Variants in EFHC1 observed in about 807,000 individuals in gnomAD.
EFHC1 encodes EF-hand domain-containing protein 1.
In EFHC1, 53 loss-of-function variants were observed where a neutral mutation model predicts 69.9. That is an observed-to-expected ratio of 0.76 (90% CI 0.61 to 0.95). The LOEUF (loss-of-function observed/expected upper bound fraction) is 0.95, where lower values mean the gene tolerates loss of function less well. Among genes scored for constraint, EFHC1 ranks in the 40% least tolerant of loss-of-function variants. The pLI is 0.00. For missense variants in EFHC1, 739 were observed against 798.7 expected (o/e 0.93, Z 0.90); for synonymous variants, 256 against 278.4 (o/e 0.92, Z 0.80).
intron 4 of EFHC1, chr6:52,453,631 A>G: frequency 8.0e-7 from 1 of 1,254,718 alleles, no homozygotes; most frequent in Non-Finnish European, 1.0e-6. Context: ...CCAAAAAAAA[A>G]AAAAAAAAGA....
At position 52,495,878 on chromosome 6, in the gene EFHC1, A is replaced by C. The variant is rs528787309; in HGVS notation, c.*3537A>C. On this transcript the variant is annotated 3_prime_UTR_variant, in exon 11 of 11. Transcript: ENST00000371068. Reference sequence around the variant, plus strand: ...ACAGCACCAACACAAGGTATAAAAGAGATTTCATGAAAGACCAAAGCCAGC... The same window carrying C: ...ACAGCACCAACACAAGGTATAAAAGCGATTTCATGAAAGACCAAAGCCAGC... 234 of 302,694 alleles carry C rather than the reference A, an allele frequency of 7.7e-4. 1 individual carries two copies. Among genetic ancestry groups the C allele is most frequent in the African/African-American group, 4.7e-3 (217 of 46,142 alleles). The allele number at this position is 302,694 out of a possible 1,614,324, so 18.8% of individuals were successfully genotyped here.
At chr6:52,444,029 CA>C (rs1562449011) in intron 3 of EFHC1, among the ~76,000 whole-genome samples, 1 of 152,020 alleles carries the variant, frequency 6.6e-6, no homozygotes, top group Non-Finnish European at 1.5e-5. Context: ...GATTCCTAGG[CA>C]TTTTATTCTC....
At chr6:52,483,169 G>T (rs909237908) in intron 9 of EFHC1, 2 of 271,414 alleles carry the variant, frequency 7.4e-6, no homozygotes, top group African/African-American at 4.4e-5. Context: ...AGATAAGTTT[G>T]TACTTTATGC....
In EFHC1 at chr6:52,420,479, C is replaced by T. The variant is rs1764164154; in HGVS notation, c.63+6C>T. On this transcript the variant is annotated splice_donor_region_variant and intron_variant, in intron 1 of 10. Coordinates refer to ENST00000371068, the MANE Select transcript of EFHC1 (RefSeq NM_018100.4). Reference sequence around the variant, plus strand: ...CGTCCTTTAAGGACTCTACGGTGAGCAGTTATCTGCCAGACTCCCACCTGT... The same window carrying T: ...CGTCCTTTAAGGACTCTACGGTGAGTAGTTATCTGCCAGACTCCCACCTGT... 6.2e-7 allele frequency: 1 copy of T among 1,614,074 alleles called. No homozygotes were observed. Among genetic ancestry groups the T allele is most frequent in the African/African-American group, 1.3e-5 (1 of 74,914 alleles).
intron 9 of EFHC1, chr6:52,481,504 A>AGCTCTCTCTCTC (rs369571634): frequency 7.0e-6 from 1 of 143,556 alleles, no homozygotes; most frequent in African/African-American, 2.6e-5. Flanking sequence ...AGACTGCATG[A>AGCTCTCTCTCTC]TCTCTCTCTC....
At chr6:52,455,504 A>T (rs1380598488) in intron 5 of EFHC1, among the ~76,000 whole-genome samples, 4 of 152,092 alleles carry the variant, frequency 2.6e-5, no homozygotes, top group Non-Finnish European at 5.9e-5. Flanking sequence ...AATACAAAAA[A>T]TTAGCTGGGC....
rs369568964 is a variant in EFHC1 at position 52,473,762 on chromosome 6, G to A, written c.1278+4289G>A. 5.7e-4 allele frequency among the ~76,000 whole-genome samples: 87 copies of A among 152,078 alleles called. 1 individual carries two copies. The highest frequency in any genetic ancestry group is 2.0e-3 in the African/African-American group (83 of 41,494). On this transcript the variant is annotated intron_variant, in intron 7 of 10. Coordinates refer to ENST00000371068, the MANE Select transcript of EFHC1 (RefSeq NM_018100.4). ...GAGCCACTTCACTTCAGCCTGGGTGGCAGAGAAAGGCTCTGTCTCCTTAAT... is the reference window on the plus strand; with the variant it reads ...GAGCCACTTCACTTCAGCCTGGGTGACAGAGAAAGGCTCTGTCTCCTTAAT...
intron 7 of EFHC1, among the ~76,000 whole-genome samples, chr6:52,475,361 A>G (rs1242814061): frequency 3.3e-5 from 5 of 152,210 alleles, no homozygotes; most frequent in Admixed American, 2.0e-4. Context: ...AATCCCATGG[A>G]GGTCAGACTA....
chr6:52,459,720 G>A (rs1293552705), intron 5 of EFHC1, among the ~76,000 whole-genome samples: 1 of 141,590 alleles, frequency 7.1e-6, no homozygotes, highest in Non-Finnish European at 1.5e-5. Flanking sequence ...TGTCGCCCAG[G>A]CTGGAGTGCA....
chr6:52,427,061 A>G (rs984446618), intron 2 of EFHC1, among the ~76,000 whole-genome samples: 1 of 152,168 alleles, frequency 6.6e-6, no homozygotes, highest in African/African-American at 2.4e-5. Context: ...CACAATCCAC[A>G]TCTAATCTAT....
At chr6:52,421,331 G>T (rs1764186944) in intron 1 of EFHC1, among the ~76,000 whole-genome samples, 1 of 152,074 alleles carries the variant, frequency 6.6e-6, no homozygotes, top group Non-Finnish European at 1.5e-5. Context: ...TTTGTAAAAA[G>T]ATTCCTGTTT....
At chr6:52,428,410 A>G (rs1764348815) in intron 2 of EFHC1, among the ~76,000 whole-genome samples, 1 of 151,812 alleles carries the variant, frequency 6.6e-6, no homozygotes. Context: ...CTCATACCTT[A>G]GCTACCACTT....
intron 4 of EFHC1, chr6:52,453,689 A>G (rs1764970804): frequency 8.0e-7 from 1 of 1,253,948 alleles, no homozygotes; most frequent in African/African-American, 1.6e-5. Context: ...GGACCAAAAA[A>G]AGACTGGTTA....
chr6:52,457,484 G>A (rs1765068693), intron 5 of EFHC1, among the ~76,000 whole-genome samples: 2 of 152,224 alleles, frequency 1.3e-5, no homozygotes, highest in Admixed American at 6.5e-5. Flanking sequence ...GTATTAGACA[G>A]TAATAGGAAA....
In EFHC1 at chr6:52,469,482, A is replaced by C. The variant is rs368775877; in HGVS notation, c.1278+9A>C. 1.2e-6 allele frequency: 2 copies of C among 1,613,392 alleles called. No individual in the cohort carries two copies. The highest frequency in any genetic ancestry group is 1.7e-6 in the Non-Finnish European group (2 of 1,179,824). On this transcript the variant is annotated intron_variant, in intron 7 of 10. Coordinates refer to ENST00000371068, the MANE Select transcript of EFHC1 (RefSeq NM_018100.4). ...GTTATTTGGCTGTACTGGTGAGGCT[A>C]ATTTTTATATACTAAAGATTCTCTT...
Position 52,420,436 on chromosome 6 carries a change from T to C in EFHC1, c.26T>C (p.Leu9Ser). The C allele has an allele frequency of 6.2e-7, 1 of 1,614,256 alleles. No homozygotes were observed. The highest frequency in any genetic ancestry group is 8.5e-7 in the Non-Finnish European group (1 of 1,180,044). Residue 9 changes from leucine (L) to serine (S), a missense_variant, in exon 1 of 11, where the codon TTG becomes TCG. Transcript: ENST00000371068. MVSNPVHG[L>S]PFLPGTSFKD... ...ATGGTGTCCAATCCCGTGCATGGCT[T>C]GCCCTTTCTTCCGGGCACGTCCTTT...
At position 52,493,923 on chromosome 6, in the gene EFHC1, T is replaced by G. The variant is rs1488820974; in HGVS notation, c.*1582T>G. 10 of 453,986 alleles carry G rather than the reference T, an allele frequency of 2.2e-5. No individual in the cohort carries two copies. The highest frequency in any genetic ancestry group is 3.5e-5 in the Non-Finnish European group (8 of 226,804). The allele number at this position is 453,986 out of a possible 1,614,324, so 28.1% of individuals were successfully genotyped here. A position where few individuals can be genotyped will look rare whatever the true frequency, so the allele number is the denominator to read the frequency against. On this transcript the variant is annotated 3_prime_UTR_variant, in exon 11 of 11. Transcript: ENST00000371068. The stretch of plus-strand genomic sequence containing the variant: ...TCTCAGAACTTCTAGGGAACTTCCC[T>G]TGGTGTTTCCTTCCCTAACGAGCTC...
At chr6:52,489,513 G>A (rs1765852276) in intron 9 of EFHC1, 1 of 152,308 alleles carries the variant, frequency 6.6e-6, no homozygotes, top group Non-Finnish European at 1.5e-5. Flanking sequence ...TCTACTTATT[G>A]TGGTTGTTTT....
intron 3 of EFHC1, among the ~76,000 whole-genome samples, chr6:52,446,269 G>C (rs1764783999): frequency 6.6e-6 from 1 of 152,162 alleles, no homozygotes; most frequent in South Asian, 2.1e-4. Context: ...ATATATTTAG[G>C]ATAGTTAGTT....
Sources: allele counts gnomAD v4.1 joint callset (sites outside exome capture counted in the v4.1 genomes callset), GRCh38; gene constraint gnomAD v4.1.1; transcripts MANE v1.5; gene names NCBI Gene and HGNC (gene_info 2026-07-23, HGNC 2026-07-21).